The following RASGRF2 variants were observed in gnomAD, a reference collection of about 807,000 sequenced individuals.
RASGRF2 encodes ras-specific guanine nucleotide-releasing factor 2.
Under a neutral mutation model 151.0 loss-of-function variants are expected in RASGRF2, and 76 were observed. The observed-to-expected ratio is 0.50, with a 90% CI of 0.42 to 0.61. RASGRF2 has a LOEUF of 0.61. Ranked by LOEUF, RASGRF2 falls within the 20% of genes least tolerant of loss-of-function variation. The pLI, the probability that RASGRF2 is intolerant of heterozygous loss-of-function variation, is 0.00. For missense variants in RASGRF2, 1,148 were observed against 1,564.6 expected, an observed-to-expected ratio of 0.73 and a Z score of 4.49; for synonymous variants, 504 against 566.5, an observed-to-expected ratio of 0.89 and a Z score of 1.57.
At chr5:81,082,723 G>A (rs1357825054) in intron 7 of RASGRF2, among the ~76,000 whole-genome samples, 1 of 152,216 alleles carries the variant, frequency 6.6e-6, no homozygotes, top group Admixed American at 6.5e-5. Context: ...AGAATGTTGG[G>A]TCAGATATTG....
At chr5:81,201,211 C>A in intron 18 of RASGRF2, 119 bp from the exon 19 acceptor site, 1 of 1,430,460 alleles carries the variant, frequency 7.0e-7, no homozygotes, top group Non-Finnish European at 9.2e-7. Flanking sequence ...ACTCTAGGGT[C>A]CATACATTTT....
chr5:81,157,960 T>C (rs1194263276), intron 17 of RASGRF2, among the ~76,000 whole-genome samples: 1 of 152,196 alleles, frequency 6.6e-6, no homozygotes, highest in African/African-American at 2.4e-5. Flanking sequence ...AGCTGATCCT[T>C]AAAGAAAAAG....
chr5:80,972,010 C>T lies in RASGRF2; in HGVS notation c.288+10984C>T, dbSNP rs901727871. On this transcript the variant is annotated intron_variant, in intron 1 of 26. Transcript: ENST00000265080. ...TTGGCCTCCCAAAGTGCTGGGATTA[C>T]AGGCATGAGCCACTGTGCCTGGCCC... Among the ~76,000 whole-genome samples the T allele has an allele frequency of 2.0e-5, 3 of 152,124 alleles. No homozygotes were observed. In the East Asian group the frequency reaches 5.8e-4, roughly 29 times the overall value.
intron 7 of RASGRF2, among the ~76,000 whole-genome samples, chr5:81,082,563 T>TA (rs1232705903): frequency 6.6e-6 from 1 of 152,230 alleles, no homozygotes; most frequent in African/African-American, 2.4e-5. Context: ...GAGCTCTAGT[T>TA]ATCTCCAGAC....
intron 1 of RASGRF2, among the ~76,000 whole-genome samples, 188 bp downstream of exon 1, chr5:80,961,214 C>T (rs1159205203): frequency 6.6e-6 from 1 of 152,240 alleles, no homozygotes; most frequent in African/African-American, 2.4e-5. Context: ...TCTCCCATCT[C>T]CATACCCCTC....
At chr5:81,186,642 A>G (rs893069236) in intron 18 of RASGRF2, among the ~76,000 whole-genome samples, 4 of 152,170 alleles carry the variant, frequency 2.6e-5, no homozygotes, top group African/African-American at 9.7e-5. Flanking sequence ...CTGTCATAAC[A>G]CAATTAACAA....
chr5:81,115,178 A>G (rs73766199), intron 15 of RASGRF2, among the ~76,000 whole-genome samples: 6,121 of 152,120 alleles, frequency 0.04, 435 homozygotes, highest in African/African-American at 0.14. Context: ...TGAAGCTTCT[A>G]TGTGCTTCTA....
At chr5:80,999,634 C>T (rs1261760439) in intron 1 of RASGRF2, among the ~76,000 whole-genome samples, 1 of 152,154 alleles carries the variant, frequency 6.6e-6, no homozygotes, top group Non-Finnish European at 1.5e-5. Context: ...GTTGGGATTA[C>T]AGGTGTAAGC....
At chr5:81,113,065 C>T (rs1753045948) in intron 14 of RASGRF2, among the ~76,000 whole-genome samples, 1 of 152,190 alleles carries the variant, frequency 6.6e-6, no homozygotes, top group Non-Finnish European at 1.5e-5. Context: ...CTGAAATTTC[C>T]AGTTGGCCTT....
In RASGRF2 at chr5:81,109,021, G is replaced by A; in HGVS notation, c.1781G>A (p.Gly594Asp). 1 of 1,611,178 alleles carries A rather than the reference G, an allele frequency of 6.2e-7. No individual in the cohort carries two copies. Among genetic ancestry groups the A allele is most frequent in the Non-Finnish European group, 8.5e-7 (1 of 1,177,662 alleles). The change falls in exon 13 of 27, where the codon GGT (glycine) becomes GAT (aspartate). Residue 594 changes from glycine (G) to aspartate (D), a missense_variant. Gly to Asp is a moderately conservative substitution (Grantham distance 94). This residue lies in a region of RASGRF2 where 646 missense variants were observed against 807.4 expected (regional missense o/e 0.80). Transcript: ENST00000265080. ...SQCVDNIRCN[G>D]LMTIVFEENS... is the part of the protein sequence containing the mutation. ...TGTGTGGACAATATACGATGTAATG[G>A]TTTAATGACTATAGTGTTTGAAGAG...
rs16878437 is a variant in RASGRF2, at chr5:81,094,885, C to T, written c.1648C>T (p.Leu550=). The change falls in exon 12 of 27, where the codon CTG becomes TTG. Residue 550 remains leucine, a synonymous_variant. Transcript: ENST00000265080. ...AGGTTCTGGGCAAGTGTTTGGGCACCTGGATTTTAAAATAGTGGTGGAGCC... is the reference window on the plus strand; with the variant it reads ...AGGTTCTGGGCAAGTGTTTGGGCACTTGGATTTTAAAATAGTGGTGGAGCC... ...SKGSGQVFGH[L]DFKIVVEPPD... The T allele has an allele frequency of 8.3e-3, 13,379 of 1,603,682 alleles. 237 individuals carry two copies. The highest frequency in any genetic ancestry group is 0.061 in the African/African-American group (4,548 of 74,610).
At position 81,042,870 on chromosome 5, in the gene RASGRF2, T is replaced by C. The variant is rs1351761591; in HGVS notation, c.289-7T>C. 6.3e-7 allele frequency: 1 copy of C among 1,596,058 alleles called. No homozygotes were observed. The highest frequency in any genetic ancestry group is 8.6e-7 in the Non-Finnish European group (1 of 1,168,886). ...ACTAAGTTTTTTGTGTTTCTTTTTCTTTCCAGTATTACTTTACTGTTCTTT... is the reference window on the plus strand; with the variant it reads ...ACTAAGTTTTTTGTGTTTCTTTTTCCTTCCAGTATTACTTTACTGTTCTTT... On this transcript the variant is annotated splice_region_variant and splice_polypyrimidine_tract_variant and intron_variant, in intron 1 of 26. Coordinates refer to ENST00000265080, the MANE Select transcript of RASGRF2 (RefSeq NM_006909.3).
chr5:81,093,766 G>T (rs140963806), intron 10 of RASGRF2, among the ~76,000 whole-genome samples: 1 of 152,084 alleles, frequency 6.6e-6, no homozygotes, highest in Non-Finnish European at 1.5e-5. Context: ...ACAGCCATGC[G>T]CATGTCTTTG....
At chr5:81,145,952 C>A (rs867384218) in intron 17 of RASGRF2, among the ~76,000 whole-genome samples, 1 of 152,230 alleles carries the variant, frequency 6.6e-6, no homozygotes, top group Non-Finnish European at 1.5e-5. Context: ...TATTCATAAT[C>A]ACGTTAAACG....
chr5:80,968,156 AT>A (rs1054295000), intron 1 of RASGRF2, among the ~76,000 whole-genome samples: 6 of 152,252 alleles, frequency 3.9e-5, no homozygotes. Context: ...GCCAGCTAGC[AT>A]TTTTATTACT....
At chr5:81,106,780 A>G (rs939188768) in intron 12 of RASGRF2, among the ~76,000 whole-genome samples, 1 of 152,170 alleles carries the variant, frequency 6.6e-6, no homozygotes, top group Non-Finnish European at 1.5e-5. Flanking sequence ...ACATAACTGG[A>G]CACACAGGAT....
chr5:81,137,716 G>A (rs1384371010), intron 17 of RASGRF2, among the ~76,000 whole-genome samples: 1 of 152,220 alleles, frequency 6.6e-6, no homozygotes, highest in Admixed American at 6.5e-5. Context: ...CAAAGAGAGA[G>A]TCTCAGAAGA....
At chr5:81,209,077 G>T (rs1755575365) in intron 22 of RASGRF2, among the ~76,000 whole-genome samples, 1 of 152,126 alleles carries the variant, frequency 6.6e-6, no homozygotes, top group African/African-American at 2.4e-5. Context: ...ATGTGTCACT[G>T]GCCCCTGGTG....
chr5:81,217,393 T>C lies in RASGRF2; in HGVS notation c.3472T>C (p.Leu1158=). 3 of 1,613,506 alleles carry C rather than the reference T, an allele frequency of 1.9e-6. No individual in the cohort carries two copies. The highest frequency in any genetic ancestry group is 2.5e-6 in the Non-Finnish European group (3 of 1,179,838). Reference sequence around the variant, plus strand: ...TGCAGTTCCTTATCTTGGGATGTACTTGACAGACCTGGCATTTATTGAAGA... The same window carrying C: ...TGCAGTTCCTTATCTTGGGATGTACCTGACAGACCTGGCATTTATTGAAGA... ...PPAVPYLGMY[L]TDLAFIEEGT... is the part of the protein sequence containing the mutation. The change falls in exon 25 of 27, where the codon TTG becomes CTG. Residue 1158 remains leucine (L), a synonymous_variant. Coordinates refer to ENST00000265080, the MANE Select transcript of RASGRF2 (RefSeq NM_006909.3).
Sources: gnomAD v4.1 joint callset for allele counts (sites outside exome capture counted in the v4.1 genomes callset) on GRCh38, gnomAD v4.1.1 for gene constraint, gnomAD v4.1.1 regional missense constraint, MANE v1.5 for transcripts, NCBI Gene and HGNC (gene_info 2026-07-23, HGNC 2026-07-21) for gene names.